Variants in GPC6 observed in about 807,000 individuals in gnomAD.
The protein encoded by GPC6 is glypican 6.
Under a neutral mutation model 55.2 loss-of-function variants are expected in GPC6, and 14 were observed. The ratio of observed to expected loss-of-function variants is 0.25; its 90% CI spans 0.17 to 0.40. GPC6 has a LOEUF of 0.40. GPC6 is among the 10% of genes least tolerant of loss of function. GPC6 has a pLI of 1.00. For synonymous variants in GPC6, 278 were observed against 259.6 expected, an observed-to-expected ratio of 1.07 and a Z score of -0.68; for missense variants, 641 against 708.5, an observed-to-expected ratio of 0.90 and a Z score of 1.08.
At chr13:94,334,405 A>G (rs1314872769) in intron 6 of GPC6, among the ~76,000 whole-genome samples, 2 of 152,224 alleles carry the variant, frequency 1.3e-5, no homozygotes, top group Admixed American at 1.3e-4. Flanking sequence ...ATTCTTCTCT[A>G]CAATAACCAA....
intron 2 of GPC6, among the ~76,000 whole-genome samples, chr13:93,750,824 C>G (rs992420055): frequency 6.6e-6 from 1 of 152,154 alleles, no homozygotes; most frequent in African/African-American, 2.4e-5. Context: ...TTTTAACTGC[C>G]TTGTTTCTGA....
chr13:94,319,363 G>C (rs1322588800), intron 6 of GPC6, among the ~76,000 whole-genome samples: 1 of 152,058 alleles, frequency 6.6e-6, no homozygotes, highest in Admixed American at 6.6e-5. Context: ...CCTTAATTCT[G>C]ATAATTCTCC....
intron 1 of GPC6, among the ~76,000 whole-genome samples, chr13:93,316,166 A>G (rs1879241644): frequency 6.6e-6 from 1 of 152,068 alleles, no homozygotes; most frequent in Admixed American, 6.6e-5. Flanking sequence ...CATTTTTAAC[A>G]AAGTGCTCCA....
At chr13:94,025,756 C>A (rs1372210971) in intron 3 of GPC6, among the ~76,000 whole-genome samples, 2 of 152,012 alleles carry the variant, frequency 1.3e-5, no homozygotes, top group Non-Finnish European at 2.9e-5. Flanking sequence ...GATAGGAAAC[C>A]CTTCTATGAA....
chr13:94,101,696 A>G (rs1885865992), intron 4 of GPC6, among the ~76,000 whole-genome samples: 1 of 152,136 alleles, frequency 6.6e-6, no homozygotes, highest in African/African-American at 2.4e-5. Flanking sequence ...TGAGTGAAAA[A>G]GCAATAATAA....
Position 94,225,855 on chromosome 13 carries a change from A to G in GPC6, c.878-60494A>G, listed in dbSNP as rs180915182. ...GGTGTTTGCAGTGACCTTACAGAAC[A>G]TATTACCATACATAAGAATTGGCTG... On this transcript the variant is annotated intron_variant, in intron 4 of 8. Coordinates refer to ENST00000377047, the MANE Select transcript of GPC6 (RefSeq NM_005708.5). Among the ~76,000 whole-genome samples, 390 of 152,260 alleles carry G rather than the reference A, an allele frequency of 2.6e-3. 1 individual carries two copies. Among genetic ancestry groups the G allele is most frequent in the African/African-American group, 9.1e-3 (378 of 41,550 alleles).
rs572475956 is a variant in GPC6, at chr13:93,742,782, A to G, written c.320-87372A>G. 1.3e-5 allele frequency among the ~76,000 whole-genome samples: 2 copies of G among 152,340 alleles called. 1 individual carries two copies. The highest frequency in any genetic ancestry group is 1.3e-4 in the Admixed American group (2 of 15,302). ...AATTAATAAAATGGTGACAGAATCA[A>G]TATTCAAGTGCTTTCAACAAGCTGG... On this transcript the variant is annotated intron_variant, in intron 2 of 8. Transcript: ENST00000377047.
chr13:94,317,851 G>A (rs962422049), intron 6 of GPC6, among the ~76,000 whole-genome samples: 28 of 152,074 alleles, frequency 1.8e-4, no homozygotes, highest in African/African-American at 6.5e-4. Context: ...GTGAGTGTGA[G>A]AGTGTGTGTG....
chr13:93,458,121 G>A (rs1177058665), intron 1 of GPC6, among the ~76,000 whole-genome samples: 2 of 152,094 alleles, frequency 1.3e-5, no homozygotes, highest in African/African-American at 2.4e-5. Context: ...CATGTGTATG[G>A]GTCTTTCTCA....
chr13:94,284,679 C>G (rs1449410055), intron 4 of GPC6, among the ~76,000 whole-genome samples: 1 of 152,028 alleles, frequency 6.6e-6, no homozygotes, highest in Non-Finnish European at 1.5e-5. Flanking sequence ...ATGTTTCACA[C>G]ACAATTTTAT....
At chr13:94,333,486 T>C (rs1476437156) in intron 6 of GPC6, among the ~76,000 whole-genome samples, 1 of 152,214 alleles carries the variant, frequency 6.6e-6, no homozygotes, top group African/African-American at 2.4e-5. Flanking sequence ...CCCTTCCTGG[T>C]GAATCCTAAA....
chr13:93,702,171 G>A (rs548066947), intron 2 of GPC6, among the ~76,000 whole-genome samples: 2 of 152,132 alleles, frequency 1.3e-5, no homozygotes, highest in South Asian at 2.1e-4. Flanking sequence ...TGATCCATGA[G>A]CTATAGATTT....
rs974433935 is a variant in GPC6 at position 94,382,308 on chromosome 13, C to A, written c.1153-106C>A. ...TCTTAAAACTGTTAAAGAGTTCCTG[C>A]TGGTCATATCACAGGTTCTATAACC... On this transcript the variant is annotated intron_variant, in intron 6 of 8. Transcript: ENST00000377047. The A allele has an allele frequency of 4.8e-5, 56 of 1,164,706 alleles. 1 individual carries two copies. The Middle Eastern group carries it at 8.2e-4, about 17-fold the overall frequency. 72.1% of individuals were successfully genotyped at this position (1,164,706 alleles called of 1,614,324 possible).
intron 6 of GPC6, among the ~76,000 whole-genome samples, chr13:94,329,650 T>G (rs1877306921): frequency 6.6e-6 from 1 of 152,308 alleles, no homozygotes; most frequent in Non-Finnish European, 1.5e-5. Context: ...TTTTTCCAGA[T>G]GAAAATGGAC....
intron 4 of GPC6, among the ~76,000 whole-genome samples, chr13:94,108,815 C>T (rs1269391221): frequency 6.7e-6 from 1 of 149,580 alleles, no homozygotes; most frequent in Admixed American, 6.7e-5. Flanking sequence ...GCACTCCAGC[C>T]TGAGCAACAA....
intron 3 of GPC6, among the ~76,000 whole-genome samples, chr13:93,876,504 A>T (rs958316674): frequency 4.6e-5 from 7 of 152,076 alleles, no homozygotes; most frequent in African/African-American, 1.7e-4. Flanking sequence ...GGTCTAGATT[A>T]TAGAGGGCAC....
rs1878342812 is a variant in GPC6, at chr13:93,608,664, GA to G, written c.319+63247del. 5.3e-5 allele frequency among the ~76,000 whole-genome samples: 8 copies of G among 152,256 alleles called. No individual in the cohort carries two copies. In the South Asian group the frequency reaches 1.7e-3, roughly 32 times the overall value. ...GGCATCTTTTAAATAAATAGTCCTAGAAAAGAAGGCAAGTCCTAGAGAACAG... is the reference window on the plus strand; with the variant it reads ...GGCATCTTTTAAATAAATAGTCCTAGAAAGAAGGCAAGTCCTAGAGAACAG... On this transcript the variant is annotated intron_variant, in intron 2 of 8. Coordinates refer to ENST00000377047, the MANE Select transcript of GPC6 (RefSeq NM_005708.5).
intron 6 of GPC6, among the ~76,000 whole-genome samples, chr13:94,373,836 G>T (rs1409958946): frequency 2.0e-5 from 3 of 152,260 alleles, no homozygotes; most frequent in Admixed American, 6.5e-5. Flanking sequence ...TACCCTCAAA[G>T]GGAAGCCCAT....
chr13:94,206,807 C>T lies in GPC6; in HGVS notation c.878-79542C>T, dbSNP rs571918016. Among the ~76,000 whole-genome samples, 163 of 152,202 alleles carry T rather than the reference C, an allele frequency of 1.1e-3. 1 individual carries two copies. The highest frequency in any genetic ancestry group is 3.8e-3 in the African/African-American group (159 of 41,524). The stretch of plus-strand genomic sequence containing the variant: ...GGCAGAGGTTGCAATGAGCTGAGAT[C>T]GCGCCACTGCATTCCAACCTGGGTG... On this transcript the variant is annotated intron_variant, in intron 4 of 8. Transcript: ENST00000377047.
Sources: allele counts gnomAD v4.1 joint callset (sites outside exome capture counted in the v4.1 genomes callset), GRCh38; gene constraint gnomAD v4.1.1; transcripts MANE v1.5; gene names NCBI Gene and HGNC (gene_info 2026-07-23, HGNC 2026-07-21).